DYNC2H1: variants seen among roughly 807,000 people sequenced by gnomAD.
The protein encoded by DYNC2H1 is cytoplasmic dynein 2 heavy chain 1.
Under a neutral mutation model 570.0 loss-of-function variants are expected in DYNC2H1, and 410 were observed. That is an observed-to-expected ratio of 0.72 (90% CI 0.66 to 0.78). The LOEUF (loss-of-function observed/expected upper bound fraction) is 0.78, where lower values mean the gene tolerates loss of function less well. DYNC2H1 is among the 30% of genes least tolerant of loss of function. DYNC2H1 has a pLI of 0.00. For missense variants in DYNC2H1, 4,865 were observed against 5,046.4 expected, an observed-to-expected ratio of 0.96 and a Z score of 1.09; for synonymous variants, 1,688 against 1,677.6, an observed-to-expected ratio of 1.01 and a Z score of -0.15.
chr11:103,374,721 CTG>C (rs1429128955), intron 83 of DYNC2H1, among the ~76,000 whole-genome samples: 2 of 152,156 alleles, frequency 1.3e-5, no homozygotes, highest in African/African-American at 4.8e-5. Context: ...CCCTAGAGAA[CTG>C]TGGAACTTTG....
chr11:103,143,499 C>A, intron 18 of DYNC2H1, 104 bp downstream of exon 18: 2 of 1,156,580 alleles, frequency 1.7e-6, no homozygotes, highest in East Asian at 2.7e-5. Flanking sequence ...AGCTTCTTGC[C>A]TCCTCCAGAT....
At position 103,219,963 on chromosome 11, in the gene DYNC2H1, G is replaced by A. The variant is rs199568537; in HGVS notation, c.8881G>A (p.Ala2961Thr). ...ACTTGAAAGACTGAAGCACAGAATA[G>A]CAGAAGAAGTTGTTAAAATTGAAGA... ...TELERLKHRI[A>T]EEVVKIEERK... The change falls in exon 56 of 89, where the codon GCA (alanine) becomes ACA (threonine). Residue 2961 changes from alanine to threonine, a missense_variant. Ala to Thr is a moderately conservative substitution (Grantham distance 58, BLOSUM62 0). This residue lies in a region of DYNC2H1 where 2,401 missense variants were observed against 2,454.6 expected (regional missense o/e 0.98). Coordinates refer to ENST00000375735, the MANE Select transcript of DYNC2H1 (RefSeq NM_001377.3). The A allele has an allele frequency of 3.9e-3, 5,828 of 1,510,838 alleles. 14 individuals carry two copies. Among genetic ancestry groups the A allele is most frequent in the Non-Finnish European group, 4.6e-3 (5,273 of 1,138,790 alleles). The allele number at this position is 1,510,838 out of a possible 1,614,324, so 93.6% of individuals were successfully genotyped here.
intron 83 of DYNC2H1, among the ~76,000 whole-genome samples, chr11:103,367,451 T>C (rs1392448060): frequency 2.6e-5 from 4 of 152,136 alleles, no homozygotes; most frequent in African/African-American, 9.7e-5. Context: ...TCAAAATTTG[T>C]TGTTACCTTT....
At chr11:103,411,032 AG>A (rs1943064519) in intron 84 of DYNC2H1, among the ~76,000 whole-genome samples, 1 of 152,102 alleles carries the variant, frequency 6.6e-6, no homozygotes, top group East Asian at 1.9e-4. Flanking sequence ...GCATGTGTAA[AG>A]ACCAGGACCA....
chr11:103,324,755 A>T lies in DYNC2H1; in HGVS notation c.12039+765A>T, dbSNP rs1038058973. ...TAATGGGATTTCTGGGTCAAATGGTAGTTCTGTTTTAAGTTCTTCGAGAAA... is the reference window on the plus strand; with the variant it reads ...TAATGGGATTTCTGGGTCAAATGGTTGTTCTGTTTTAAGTTCTTCGAGAAA... On this transcript the variant is annotated intron_variant, in intron 82 of 88. Transcript: ENST00000375735. The surrounding 1 kb of genome is among the most constrained non-coding windows in gnomAD (Gnocchi z 5.2). Among the ~76,000 whole-genome samples, 3 of 152,176 alleles carry T rather than the reference A, an allele frequency of 2.0e-5. No homozygotes were observed. The highest frequency in any genetic ancestry group is 2.9e-5 in the Non-Finnish European group (2 of 68,040).
rs536001958 is a variant in DYNC2H1 at position 103,334,227 on chromosome 11, ATCTAT to A, written c.12039+10242_12039+10246del. ...GTTAATTCCTGAGGCAAACACAATAATCTATTCTAGTCTCTTCACCAGGTAGCTGT... is the reference window on the plus strand; with the variant it reads ...GTTAATTCCTGAGGCAAACACAATAATCTAGTCTCTTCACCAGGTAGCTGT... On this transcript the variant is annotated intron_variant, in intron 82 of 88. Coordinates refer to ENST00000375735, the MANE Select transcript of DYNC2H1 (RefSeq NM_001377.3). This position sits in a 1 kb window ranked among gnomAD's most constrained non-coding sequence, Gnocchi z 4.3. Among the ~76,000 whole-genome samples, 2 of 152,320 alleles carry A rather than the reference ATCTAT, an allele frequency of 1.3e-5. No homozygotes were observed. The highest frequency in any genetic ancestry group is 4.1e-4 in the South Asian group (2 of 4,834).
At chr11:103,207,020 C>T (rs1299907651) in intron 52 of DYNC2H1, among the ~76,000 whole-genome samples, 1 of 152,014 alleles carries the variant, frequency 6.6e-6, no homozygotes, top group Non-Finnish European at 1.5e-5. Flanking sequence ...CTCCTGGCTT[C>T]ATGCGATTCT....
Position 103,170,268 on chromosome 11 carries a change from T to A in DYNC2H1, c.5129T>A (p.Val1710Asp), listed in dbSNP as rs777396565. The change falls in exon 33 of 89, where the codon GTT becomes GAT. Residue 1710 changes from valine (V) to aspartate (D), a missense_variant. Physicochemically the swap from Val to Asp is radical, Grantham distance 152. Transcript: ENST00000375735. This position sits in a 1 kb window ranked among gnomAD's most constrained non-coding sequence, Gnocchi z 4.8. ...KALGGLLGRQ[V>D]LVFNCDEGID... is the part of the protein sequence containing the mutation. ...TTAGGTGGACTTCTTGGAAGACAAG[T>A]TTTAGTCTTTAATTGTGATGAGGTA... is the stretch of plus-strand genomic sequence containing the variant. 2 of 1,599,754 alleles carry A rather than the reference T, an allele frequency of 1.3e-6. No individual in the cohort carries two copies. The highest frequency in any genetic ancestry group is 8.5e-7 in the Non-Finnish European group (1 of 1,173,984).
At chr11:103,152,675 T>G (rs748670773) in intron 21 of DYNC2H1, among the ~76,000 whole-genome samples, 8 of 152,234 alleles carry the variant, frequency 5.3e-5, no homozygotes, top group African/African-American at 9.6e-5. Flanking sequence ...CACATTAGAC[T>G]ATAAGCTGCT....
chr11:103,322,968 AC>A (rs1792338292), intron 81 of DYNC2H1, among the ~76,000 whole-genome samples: 1 of 152,320 alleles, frequency 6.6e-6, no homozygotes, highest in African/African-American at 2.4e-5. Context: ...GAACAGCATG[AC>A]TTTCCAAAAT....
At chr11:103,198,887 A>C (rs956212489) in intron 48 of DYNC2H1, among the ~76,000 whole-genome samples, 1 of 152,186 alleles carries the variant, frequency 6.6e-6, no homozygotes, top group Admixed American at 6.5e-5. Context: ...TTCATGGTCT[A>C]TGCACACTGA....
rs184683977 is a variant in DYNC2H1, at chr11:103,153,109, A to G, written c.3097-194A>G. 1.6e-3 allele frequency among the ~76,000 whole-genome samples: 241 copies of G among 152,312 alleles called. 1 individual carries two copies. Among genetic ancestry groups the G allele is most frequent in the Middle Eastern group, 3.4e-3 (1 of 294 alleles). ...TGTTATCTCTTGTTATTATAAATTT[A>G]TGGTCTAATTTATATGTTTGAATTA... is the stretch of plus-strand genomic sequence containing the variant. On this transcript the variant is annotated intron_variant, in intron 21 of 88. Transcript: ENST00000375735.
chr11:103,247,422 G>C (rs1864660555), intron 65 of DYNC2H1, among the ~76,000 whole-genome samples: 1 of 152,152 alleles, frequency 6.6e-6, no homozygotes. Flanking sequence ...TCTCCATATG[G>C]ATGTGTCTTT....
chr11:103,414,911 A>G (rs551574481), intron 84 of DYNC2H1, among the ~76,000 whole-genome samples: 64 of 152,314 alleles, frequency 4.2e-4, no homozygotes, highest in African/African-American at 1.5e-3. Flanking sequence ...AAAAAATTCC[A>G]TGCTTATGTA....
At chr11:103,139,521 G>A (rs1166708429) in intron 17 of DYNC2H1, among the ~76,000 whole-genome samples, 7 of 151,940 alleles carry the variant, frequency 4.6e-5, no homozygotes, top group East Asian at 3.9e-4. Flanking sequence ...GTAGTTGAGC[G>A]GTTTTGAGTG....
chr11:103,232,624 A>G (rs895596507), intron 60 of DYNC2H1, among the ~76,000 whole-genome samples: 1 of 152,012 alleles, frequency 6.6e-6, no homozygotes, highest in Non-Finnish European at 1.5e-5. Flanking sequence ...ATTTTCTTAT[A>G]CATCAACAAA....
In DYNC2H1 at chr11:103,305,559, T is replaced by C. The variant is rs1006921690; in HGVS notation, c.11382+839T>C. Among the ~76,000 whole-genome samples the C allele has an allele frequency of 6.6e-6, 1 of 152,302 alleles. No individual in the cohort carries two copies. The highest frequency in any genetic ancestry group is 1.5e-5 in the Non-Finnish European group (1 of 68,028). ...CCAAAGGAGGTCCTTAACAGAGAAG[T>C]TAGTAATTAATTAATTAATTAATTT... is the stretch of plus-strand genomic sequence containing the variant. On this transcript the variant is annotated intron_variant, in intron 77 of 88. Transcript: ENST00000375735. This position sits in a 1 kb window ranked among gnomAD's most constrained non-coding sequence, Gnocchi z 4.3.
chr11:103,228,972 T>C lies in DYNC2H1; in HGVS notation c.9354-2288T>C, dbSNP rs1167703226. ...TGTAATTATATTCCCAGGGGGATTA[T>C]GGCTACCTCTGCTGAGTCATGCAGG... On this transcript the variant is annotated intron_variant, in intron 59 of 88. Transcript: ENST00000375735. The surrounding 1 kb of genome is among the most constrained non-coding windows in gnomAD (Gnocchi z 6.1). 6.6e-6 allele frequency among the ~76,000 whole-genome samples: 1 copy of C among 152,086 alleles called. No homozygotes were observed. The highest frequency in any genetic ancestry group is 2.4e-5 in the African/African-American group (1 of 41,420).
Position 103,277,228 on chromosome 11 carries a change from G to A in DYNC2H1, c.10696-3120G>A, listed in dbSNP as rs752571156. 3.3e-5 allele frequency among the ~76,000 whole-genome samples: 5 copies of A among 151,968 alleles called. No homozygotes were observed. The highest frequency in any genetic ancestry group is 5.9e-5 in the Non-Finnish European group (4 of 67,946). On this transcript the variant is annotated intron_variant, in intron 70 of 88. Transcript: ENST00000375735. The surrounding 1 kb of genome is among the most constrained non-coding windows in gnomAD (Gnocchi z 4.3). Reference sequence around the variant, plus strand: ...TCACAAATTTATTTGTGCTCATATAGTTATACAAAGTGTGTGTTCAAATTT... The same window carrying A: ...TCACAAATTTATTTGTGCTCATATAATTATACAAAGTGTGTGTTCAAATTT...
Sources: allele counts gnomAD v4.1 joint callset (sites outside exome capture counted in the v4.1 genomes callset), GRCh38; gene constraint gnomAD v4.1.1; regional missense constraint gnomAD v4.1.1; non-coding constraint Gnocchi (gnomAD v3.1); transcripts MANE v1.5; gene names NCBI Gene and HGNC (gene_info 2026-07-23, HGNC 2026-07-21).